FMNL2: variants seen among roughly 807,000 people sequenced by gnomAD.
FMNL2 encodes the protein formin-like protein 2.
Under a neutral mutation model 130.2 loss-of-function variants are expected in FMNL2, and 51 were observed. That is an observed-to-expected ratio of 0.39 (90% CI 0.31 to 0.49). FMNL2 has a LOEUF of 0.49. FMNL2 is among the 20% of genes least tolerant of loss of function. The pLI, the probability that FMNL2 is intolerant of heterozygous loss-of-function variation, is 0.85. For missense variants in FMNL2, 977 were observed against 1,316.2 expected (o/e 0.74, Z 3.99); for synonymous variants, 465 against 467.1 (o/e 1.00, Z 0.06).
At chr2:152,357,074 A>ATCACGATAAATATTACATCAGTTTAATG (rs1560293556) in intron 1 of FMNL2, among the ~76,000 whole-genome samples, 2 of 101,138 alleles carry the variant, frequency 2.0e-5, no homozygotes, top group African/African-American at 8.0e-5. Context: ...TAAGTTTAAT[A>ATCACGATAAATATTACATCAGTTTAATG]TATCACGATA....
At position 152,335,649 on chromosome 2, in the gene FMNL2, G is replaced by T. The variant is rs762500117; in HGVS notation, c.46G>T (p.Ala16Ser). 4 of 1,594,064 alleles carry T rather than the reference G, an allele frequency of 2.5e-6. No homozygotes were observed. Among genetic ancestry groups the T allele is most frequent in the Non-Finnish European group, 3.4e-6 (4 of 1,170,150 alleles). Reference sequence around the variant, plus strand: ...GGATTCGCAGCAGACCGATTTCAGGGCGCACAACGTGCCTTTGAAGCTGCC... The same window carrying T: ...GGATTCGCAGCAGACCGATTTCAGGTCGCACAACGTGCCTTTGAAGCTGCC... ...SMDSQQTDFR[A>S]HNVPLKLPMP... The change falls in exon 1 of 26, where the codon GCG (alanine) becomes TCG (serine). Residue 16 changes from alanine (A) to serine (S), a missense_variant. Around this residue, in one of 4 missense-constraint regions of FMNL2, gnomAD observed 117 missense variants for 134.9 expected, o/e 0.87. Transcript: ENST00000288670.
At chr2:152,457,494 T>C (rs1689018852) in intron 1 of FMNL2, among the ~76,000 whole-genome samples, 1 of 152,208 alleles carries the variant, frequency 6.6e-6, no homozygotes, top group African/African-American at 2.4e-5. Context: ...ACTTTAAGTC[T>C]CCAAAGTAGT....
At chr2:152,424,269 T>C (rs190331076) in intron 1 of FMNL2, among the ~76,000 whole-genome samples, 100 of 151,914 alleles carry the variant, frequency 6.6e-4, no homozygotes, top group African/African-American at 2.3e-3. Flanking sequence ...ACCTTTGTAT[T>C]TAGTAAATAT....
intron 1 of FMNL2, among the ~76,000 whole-genome samples, chr2:152,358,680 A>C (rs1285278921): frequency 6.6e-6 from 1 of 151,350 alleles, no homozygotes; most frequent in East Asian, 1.9e-4. Context: ...TCATGTATAC[A>C]TATATCCTAT....
Position 152,335,714 on chromosome 2 carries a change from C to G in FMNL2, c.111C>G (p.Ile37Met). The change falls in exon 1 of 26, where the codon ATC (isoleucine) becomes ATG (methionine). Residue 37 changes from isoleucine to methionine, a missense_variant. Physicochemically the swap from Ile to Met is conservative, Grantham distance 10. Around this residue, in one of 4 missense-constraint regions of FMNL2, gnomAD observed 117 missense variants for 134.9 expected, o/e 0.87. Transcript: ENST00000288670. ...EPGELEERFAIVLNAMNLPPD... is the reference protein window; with the variant it reads ...EPGELEERFAMVLNAMNLPPD... ...GTGAACTGGAGGAGCGATTTGCCATCGTGCTGGTAAGTGCGCGGCGGCGGT... is the reference window on the plus strand; with the variant it reads ...GTGAACTGGAGGAGCGATTTGCCATGGTGCTGGTAAGTGCGCGGCGGCGGT... The G allele has an allele frequency of 6.4e-7, 1 of 1,574,016 alleles. No homozygotes were observed. Among genetic ancestry groups the G allele is most frequent in the South Asian group, 1.1e-5 (1 of 87,838 alleles).
chr2:152,471,112 G>C (rs1241331822), intron 1 of FMNL2, among the ~76,000 whole-genome samples: 3 of 151,434 alleles, frequency 2.0e-5, no homozygotes, highest in African/African-American at 7.3e-5. Context: ...GTAATTTTAG[G>C]TTGTTTGGAA....
chr2:152,647,097 T>TC (rs1258861975), intron 25 of FMNL2, among the ~76,000 whole-genome samples: 4 of 151,754 alleles, frequency 2.6e-5, no homozygotes, highest in Non-Finnish European at 5.9e-5. Flanking sequence ...AGCTCGGTAG[T>TC]CCCCACTTCT....
intron 6 of FMNL2, among the ~76,000 whole-genome samples, chr2:152,568,390 A>G (rs1007254725): frequency 1.4e-4 from 21 of 151,852 alleles, no homozygotes; most frequent in Non-Finnish European, 2.9e-4. Flanking sequence ...TAATTTTTGT[A>G]TTTTTAGTAG....
At chr2:152,382,304 C>G (rs751305699) in intron 1 of FMNL2, among the ~76,000 whole-genome samples, 3 of 152,158 alleles carry the variant, frequency 2.0e-5, no homozygotes, top group Non-Finnish European at 2.9e-5. Flanking sequence ...GTAGATTTCT[C>G]TTCATTGGGT....
At chr2:152,616,993 C>G in intron 12 of FMNL2, 98 bp from the exon 13 acceptor site, 1 of 944,156 alleles carries the variant, frequency 1.1e-6, no homozygotes. Flanking sequence ...ACATGCAGGG[C>G]CCTGGTCCCT....
At chr2:152,599,405 CTTTTTTTTTTTTTTT>C (rs35753197) in intron 9 of FMNL2, among the ~76,000 whole-genome samples, 21 of 45,086 alleles carry the variant, frequency 4.7e-4, no homozygotes, top group South Asian at 1.3e-3. Context: ...TGAAGGTCAT[CTTTTTTTTTTTTTTT>C]TTTTTTTTTT....
intron 1 of FMNL2, among the ~76,000 whole-genome samples, chr2:152,506,336 A>G (rs1692168636): frequency 6.6e-6 from 1 of 152,218 alleles, no homozygotes; most frequent in Admixed American, 6.5e-5. Context: ...TGGATACCAA[A>G]ATCAATGAAT....
At chr2:152,387,378 G>A (rs1684842925) in intron 1 of FMNL2, among the ~76,000 whole-genome samples, 1 of 152,174 alleles carries the variant, frequency 6.6e-6, no homozygotes, top group Admixed American at 6.5e-5. Context: ...ATAAATGTTT[G>A]TTAGATTTAA....
At chr2:152,462,045 A>G (rs930978909) in intron 1 of FMNL2, among the ~76,000 whole-genome samples, 3 of 152,056 alleles carry the variant, frequency 2.0e-5, no homozygotes, top group Admixed American at 6.6e-5. Context: ...AGAGGTGTGT[A>G]CCATCGTGCC....
intron 2 of FMNL2, among the ~76,000 whole-genome samples, chr2:152,536,448 C>A (rs1383574230): frequency 6.6e-6 from 1 of 152,166 alleles, no homozygotes; most frequent in African/African-American, 2.4e-5. Flanking sequence ...CCTACTCAGC[C>A]TTTGGAAAGG....
chr2:152,462,198 G>A (rs1461631910), intron 1 of FMNL2, among the ~76,000 whole-genome samples: 1 of 152,170 alleles, frequency 6.6e-6, no homozygotes, highest in Non-Finnish European at 1.5e-5. Flanking sequence ...AATGTGGCAA[G>A]TACAACTAGG....
intron 1 of FMNL2, among the ~76,000 whole-genome samples, chr2:152,499,476 G>A (rs972747728): frequency 6.6e-6 from 1 of 152,116 alleles, no homozygotes; most frequent in African/African-American, 2.4e-5. Flanking sequence ...GGAAGGTCTT[G>A]TACTCATGAC....
chr2:152,429,262 G>A (rs985686846), intron 1 of FMNL2, among the ~76,000 whole-genome samples: 4 of 150,884 alleles, frequency 2.7e-5, no homozygotes, highest in Non-Finnish European at 5.9e-5. Flanking sequence ...GCTGAAGACA[G>A]CACGCAGTGT....
chr2:152,464,273 C>T (rs1689408324), intron 1 of FMNL2, among the ~76,000 whole-genome samples: 2 of 152,188 alleles, frequency 1.3e-5, no homozygotes, highest in African/African-American at 2.4e-5. Context: ...ATGTATCTTC[C>T]TCCTCTGCTT....
Sources: gnomAD v4.1 joint callset for allele counts (sites outside exome capture counted in the v4.1 genomes callset) on GRCh38, gnomAD v4.1.1 for gene constraint, gnomAD v4.1.1 regional missense constraint, MANE v1.5 for transcripts, NCBI Gene and HGNC (gene_info 2026-07-23, HGNC 2026-07-21) for gene names.